The following CASZ1 variants were observed in gnomAD, a reference collection of about 807,000 sequenced individuals.
The protein encoded by CASZ1 is zinc finger protein castor homolog 1.
A neutral mutation model predicts 135.2 loss-of-function variants in CASZ1; 28 were observed. The ratio of observed to expected loss-of-function variants is 0.21; its 90% CI spans 0.15 to 0.28. CASZ1 has a LOEUF of 0.28. Among genes scored for constraint, CASZ1 ranks in the 10% least tolerant of loss-of-function variants. The probability of loss-of-function intolerance (pLI) is 1.00; values close to 1 mark genes in which losing one functional copy is unlikely to be tolerated. For missense variants in CASZ1, 2,161 were observed against 2,453.3 expected (o/e 0.88, Z 2.52); for synonymous variants, 1,068 against 1,073.4 (o/e 0.99, Z 0.10).
Position 10,639,595 on chromosome 1 carries a change from T to A in CASZ1, c.4627A>T (p.Ile1543Phe). The part of the protein sequence containing the change: ...HRKHHGKQDV[I>F]SAAGFCQFSS... ...AACTGGCAGAAGCCCGCGGCGCTGA[T>A]CACGTCCTGTTTGCCGTGGTGCTTG... The change falls in exon 21 of 21, where the codon ATC (isoleucine) becomes TTC (phenylalanine). Residue 1543 changes from isoleucine to phenylalanine, a missense_variant. Ile to Phe is a conservative substitution (Grantham distance 21, BLOSUM62 0). This residue lies in a region of CASZ1 where 240 missense variants were observed against 321.4 expected (regional missense o/e 0.75). Transcript: ENST00000377022. The surrounding 1 kb of genome is among the most constrained non-coding windows in gnomAD (Gnocchi z 4.0). The A allele has an allele frequency of 6.2e-7, 1 of 1,611,864 alleles. No individual in the cohort carries two copies. The highest frequency in any genetic ancestry group is 1.7e-4 in the Middle Eastern group (1 of 6,040).
intron 1 of CASZ1, among the ~76,000 whole-genome samples, chr1:10,784,303 G>C (rs1448825506): frequency 6.6e-6 from 1 of 152,180 alleles, no homozygotes; most frequent in African/African-American, 2.4e-5. Flanking sequence ...TTTAGCCCAA[G>C]TTTGAGGGAA....
At chr1:10,736,417 G>T (rs1486395714) in intron 2 of CASZ1, among the ~76,000 whole-genome samples, 2 of 152,174 alleles carry the variant, frequency 1.3e-5, no homozygotes, top group East Asian at 3.9e-4. Flanking sequence ...GAGTCCTCAG[G>T]CCCCTCCCTG....
rs553623673 is a variant in CASZ1 at position 10,695,273 on chromosome 1, G to A, written c.-23-1361C>T. On this transcript the variant is annotated intron_variant, in intron 3 of 20. Coordinates refer to ENST00000377022, the MANE Select transcript of CASZ1 (RefSeq NM_001079843.3). ...AGCGCCGGCCTGGGACACGCAGTGG[G>A]GTTTCCTCGGCGTTGCTTTGGTTTT... 7.2e-5 allele frequency among the ~76,000 whole-genome samples: 11 copies of A among 152,114 alleles called. No homozygotes were observed. The East Asian group carries it at 2.2e-3, about 30-fold the overall frequency.
chr1:10,796,052 TG>T lies in CASZ1; in HGVS notation c.-234+511del, dbSNP rs1179921684. Among the ~76,000 whole-genome samples, 9 of 131,754 alleles carry T rather than the reference TG, an allele frequency of 6.8e-5. No homozygotes were observed. The South Asian group carries it at 2.6e-3, about 39-fold the overall frequency. 86.4% of individuals were successfully genotyped at this position (131,754 alleles called of 152,430 possible). ...GGAGAGCGCACGACCCCTCTGCTGC[TG>T]GGGGGTGGGGTGGGGTGGGGGTTTA... On this transcript the variant is annotated intron_variant, in intron 1 of 20. Transcript: ENST00000377022.
chr1:10,649,366 C>T lies in CASZ1; in HGVS notation c.2952G>A (p.Ala984=), dbSNP rs181755565. 157 of 1,605,362 alleles carry T rather than the reference C, an allele frequency of 9.8e-5. No homozygotes were observed. In the East Asian group the frequency reaches 1.7e-3, roughly 17 times the overall value. Residue 984 remains alanine (A), a synonymous_variant, in exon 14 of 21, where the codon GCG becomes GCA. Coordinates refer to ENST00000377022, the MANE Select transcript of CASZ1 (RefSeq NM_001079843.3). ...IKAEAEGSPA[A]EPSPFLGKAV... is the part of the protein sequence containing the mutation. ...CCTTGCCTAGGAAGGGCGAGGGCTC[C>T]GCAGCGGGGCTCCCCTCCGCTTCCG...
chr1:10,683,644 C>G (rs781086281), intron 4 of CASZ1, among the ~76,000 whole-genome samples: 1 of 152,206 alleles, frequency 6.6e-6, no homozygotes, highest in Non-Finnish European at 1.5e-5. Flanking sequence ...AAGGGCTCTG[C>G]GTCCAGTCCT....
chr1:10,647,972 G>A lies in CASZ1; in HGVS notation c.3326C>T (p.Ser1109Phe). 1 of 1,609,548 alleles carries A rather than the reference G, an allele frequency of 6.2e-7. No individual in the cohort carries two copies. The highest frequency in any genetic ancestry group is 8.5e-7 in the Non-Finnish European group (1 of 1,177,500). Reference sequence around the variant, plus strand: ...GAGCAGGGTGGGGGTGGAGGGCACGGAGGCCGGGCTGGGAGCGGGCCCCTC... The same window carrying A: ...GAGCAGGGTGGGGGTGGAGGGCACGAAGGCCGGGCTGGGAGCGGGCCCCTC... ...SLEGPAPSPASVPSTPTLLAW... is the reference protein window; with the variant it reads ...SLEGPAPSPAFVPSTPTLLAW... The change falls in exon 16 of 21, where the codon TCC (serine) becomes TTC (phenylalanine). Residue 1109 changes from serine (S) to phenylalanine (F), a missense_variant. Transcript: ENST00000377022. This position sits in a 1 kb window ranked among gnomAD's most constrained non-coding sequence, Gnocchi z 4.9.
chr1:10,689,191 T>C (rs1174611616), intron 4 of CASZ1, among the ~76,000 whole-genome samples: 1 of 152,130 alleles, frequency 6.6e-6, no homozygotes, highest in Non-Finnish European at 1.5e-5. Context: ...GCTGCACCAC[T>C]GACCTGGCAG....
chr1:10,674,032 C>A (rs1201201499), intron 4 of CASZ1, among the ~76,000 whole-genome samples: 1 of 152,224 alleles, frequency 6.6e-6, no homozygotes, highest in East Asian at 1.9e-4. Context: ...GACAGACTGA[C>A]AGATGGACTG....
At position 10,653,678 on chromosome 1, in the gene CASZ1, C is replaced by T. The variant is rs750085734; in HGVS notation, c.2379G>A (p.Ser793=). The change falls in exon 11 of 21, where the codon TCG becomes TCA. Residue 793 remains serine (S), a synonymous_variant. Coordinates refer to ENST00000377022, the MANE Select transcript of CASZ1 (RefSeq NM_001079843.3). ...SIPLALALSN[S]GLPTPTPYFP... ...AGTAGGGCGTGGGGGTGGGCAGGCC[C>T]GAGTTGGAGAGGGCCAGGGCCAGGG... is the stretch of plus-strand genomic sequence containing the variant. 2.4e-5 allele frequency: 38 copies of T among 1,561,530 alleles called. No homozygotes were observed. Among genetic ancestry groups the T allele is most frequent in the East Asian group, 6.8e-5 (3 of 44,396 alleles).
At chr1:10,693,769 C>T (rs1025453547) in intron 4 of CASZ1, 105 bp downstream of exon 4, 2 of 920,630 alleles carry the variant, frequency 2.2e-6, no homozygotes, top group East Asian at 2.5e-5. Flanking sequence ...CCTCCCGGCC[C>T]CCACCCGGCC....
At chr1:10,648,939 G>GCATCTC in intron 15 of CASZ1, 131 bp downstream of exon 15, 1 of 1,270,394 alleles carries the variant, frequency 7.9e-7, no homozygotes, top group South Asian at 1.5e-5. Flanking sequence ...TGCTGGGGCA[G>GCATCTC]CATCTCCGAG....
In CASZ1 at chr1:10,697,387, A is replaced by C. The variant is rs1397289047; in HGVS notation, c.-23-3475T>G. 6.6e-6 allele frequency among the ~76,000 whole-genome samples: 1 copy of C among 152,070 alleles called. No homozygotes were observed. The highest frequency in any genetic ancestry group is 1.5e-5 in the Non-Finnish European group (1 of 68,018). ...GTGAGGACCTTCATGCCCGGGACTCAAGGGATGGAAGTCCAATGCCATAAT... is the reference window on the plus strand; with the variant it reads ...GTGAGGACCTTCATGCCCGGGACTCCAGGGATGGAAGTCCAATGCCATAAT... On this transcript the variant is annotated intron_variant, in intron 3 of 20. Coordinates refer to ENST00000377022, the MANE Select transcript of CASZ1 (RefSeq NM_001079843.3). This position sits in a 1 kb window ranked among gnomAD's most constrained non-coding sequence, Gnocchi z 4.7.
At position 10,765,560 on chromosome 1, in the gene CASZ1, T is replaced by TA. The variant is rs1445943434; in HGVS notation, c.-233-4704dup. Among the ~76,000 whole-genome samples the TA allele has an allele frequency of 1.5e-3, 224 of 152,150 alleles. 1 individual carries two copies. The highest frequency in any genetic ancestry group is 7.4e-5 in the Non-Finnish European group (5 of 68,000). On this transcript the variant is annotated intron_variant, in intron 1 of 20. Coordinates refer to ENST00000377022, the MANE Select transcript of CASZ1 (RefSeq NM_001079843.3). ...ACGGTACACAAACAGGGCAGACACA[T>TA]ACACAATGAGCCAAAACAAGGGCGG...
In CASZ1 at chr1:10,720,884, G is replaced by A. The variant is rs1248665145; in HGVS notation, c.-76-15340C>T. On this transcript the variant is annotated intron_variant, in intron 2 of 20. Coordinates refer to ENST00000377022, the MANE Select transcript of CASZ1 (RefSeq NM_001079843.3). This position sits in a 1 kb window ranked among gnomAD's most constrained non-coding sequence, Gnocchi z 5.7. ...CAGGCATGGGTGCCGCGTGGGCCCA[G>A]CCAAGGGCTCCAGGACACGAGGTGG... is the stretch of plus-strand genomic sequence containing the variant. Among the ~76,000 whole-genome samples, 1 of 152,204 alleles carries A rather than the reference G, an allele frequency of 6.6e-6. No homozygotes were observed. Among genetic ancestry groups the A allele is most frequent in the African/African-American group, 2.4e-5 (1 of 41,458 alleles).
intron 5 of CASZ1, among the ~76,000 whole-genome samples, chr1:10,662,521 C>T (rs953470360): frequency 4.6e-5 from 7 of 152,160 alleles, no homozygotes; most frequent in East Asian, 1.9e-4. Flanking sequence ...CACATGCACA[C>T]AGTCACACAC....
chr1:10,637,594 G>A lies in CASZ1; in HGVS notation c.*1348C>T, dbSNP rs1196957758. 1.3e-5 allele frequency: 2 copies of A among 152,402 alleles called. No homozygotes were observed. Among genetic ancestry groups the A allele is most frequent in the Non-Finnish European group, 2.9e-5 (2 of 68,080 alleles). 9.4% of individuals were successfully genotyped at this position (152,402 alleles called of 1,614,324 possible). ...ATCTGACACCAGCTGGTGGCCTGGA[G>A]TAGGGAAGGTGGGCAGGTGTGGCCT... On this transcript the variant is annotated 3_prime_UTR_variant, in exon 21 of 21. Coordinates refer to ENST00000377022, the MANE Select transcript of CASZ1 (RefSeq NM_001079843.3).
At chr1:10,752,950 T>G (rs1182264712) in intron 2 of CASZ1, among the ~76,000 whole-genome samples, 1 of 152,152 alleles carries the variant, frequency 6.6e-6, no homozygotes, top group African/African-American at 2.4e-5. Context: ...GGAAAGAGAC[T>G]CACTTGAACC....
chr1:10,746,378 C>G (rs1321704598), intron 2 of CASZ1, among the ~76,000 whole-genome samples: 1 of 151,986 alleles, frequency 6.6e-6, no homozygotes, highest in East Asian at 1.9e-4. Context: ...GCCAAAGATC[C>G]AAATAAAAAG....
Sources: gnomAD v4.1 joint callset for allele counts (sites outside exome capture counted in the v4.1 genomes callset) on GRCh38, gnomAD v4.1.1 for gene constraint, gnomAD v4.1.1 regional missense constraint, Gnocchi (gnomAD v3.1) non-coding constraint, MANE v1.5 for transcripts, NCBI Gene and HGNC (gene_info 2026-07-23, HGNC 2026-07-21) for gene names.